The following CMYA5 variants were observed in gnomAD, a reference collection of about 807,000 sequenced individuals.
The protein encoded by CMYA5 is cardiomyopathy associated 5, also known as cardiomyopathy-associated protein 5.
Under a neutral mutation model 318.9 loss-of-function variants are expected in CMYA5, and 246 were observed. That is an observed-to-expected ratio of 0.77 (90% CI 0.70 to 0.86). The LOEUF is 0.86. Among genes scored for constraint, CMYA5 ranks in the 40% least tolerant of loss-of-function variants. The pLI is 0.00. For synonymous variants in CMYA5, 1,641 were observed against 1,729.5 expected (o/e 0.95, Z 1.27); for missense variants, 4,589 against 4,678.2 (o/e 0.98, Z 0.56).
chr5:79,790,544 C>T (rs1478289342), intron 10 of CMYA5, among the ~76,000 whole-genome samples: 1 of 152,210 alleles, frequency 6.6e-6, no homozygotes, highest in Non-Finnish European at 1.5e-5. Context: ...GCTGGGATTA[C>T]AGGCGTGAGC....
chr5:79,772,912 A>G (rs1828879454), intron 9 of CMYA5, among the ~76,000 whole-genome samples: 1 of 152,228 alleles, frequency 6.6e-6, no homozygotes. Flanking sequence ...TTCAATCTCT[A>G]AGATGTCAGT....
chr5:79,708,799 G>C (rs1480229977), intron 1 of CMYA5, among the ~76,000 whole-genome samples: 4 of 151,968 alleles, frequency 2.6e-5, no homozygotes, highest in Non-Finnish European at 5.9e-5. Flanking sequence ...GCCAGGCGTG[G>C]TGGCTCACAC....
intron 1 of CMYA5, among the ~76,000 whole-genome samples, chr5:79,720,428 ATTTTTTT>A (rs1159659122): frequency 1.6e-4 from 7 of 44,848 alleles, no homozygotes; most frequent in East Asian, 2.1e-3. Flanking sequence ...TGCCAATCTA[ATTTTTTT>A]TTTTTTTTTT....
At chr5:79,756,859 T>C (rs1181585954) in intron 6 of CMYA5, among the ~76,000 whole-genome samples, 2 of 152,012 alleles carry the variant, frequency 1.3e-5, no homozygotes, top group Non-Finnish European at 2.9e-5. Context: ...CTCAGGAAAT[T>C]GTTGACTGGA....
intron 11 of CMYA5, among the ~76,000 whole-genome samples, chr5:79,792,008 G>T (rs1325898047): frequency 1.3e-5 from 2 of 152,214 alleles, no homozygotes; most frequent in Non-Finnish European, 2.9e-5. Flanking sequence ...GGTGTCGGTG[G>T]CTGGCAGGTG....
chr5:79,791,031 G>A lies in CMYA5; in HGVS notation c.11751G>A (p.Gly3917=). The A allele has an allele frequency of 6.2e-7, 1 of 1,613,874 alleles. No homozygotes were observed. The highest frequency in any genetic ancestry group is 8.5e-7 in the Non-Finnish European group (1 of 1,179,824). Residue 3917 remains glycine (G), a synonymous_variant, in exon 11 of 13, where the codon GGG becomes GGA. Transcript: ENST00000446378. ...AHPALHISSS[G]TVISFGERRR... ...CTGCTCTACACATTTCCTCAAGTGG[G>A]ACAGTGATCAGCTTTGGTGAGAGGA...
Position 79,737,020 on chromosome 5 carries a change from G to C in CMYA5, c.8255G>C (p.Arg2752Thr). The change falls in exon 2 of 13, where the codon AGA becomes ACA. Residue 2752 changes from arginine (R) to threonine (T), a missense_variant. Transcript: ENST00000446378. ...EGNLVLEKSS[R>T]DMPDHSEEKE... is the part of the protein sequence containing the mutation. ...AATCTAGTGTTAGAAAAGTCAAGCA[G>C]AGATATGCCAGATCACAGTGAAGAA... 2 of 1,613,640 alleles carry C rather than the reference G, an allele frequency of 1.2e-6. No homozygotes were observed. Among genetic ancestry groups the C allele is most frequent in the Admixed American group, 3.3e-5 (2 of 59,926 alleles).
At chr5:79,764,882 A>G (rs1025394784) in intron 9 of CMYA5, among the ~76,000 whole-genome samples, 3 of 151,892 alleles carry the variant, frequency 2.0e-5, no homozygotes, top group Non-Finnish European at 4.4e-5. Flanking sequence ...TAGATTCTGG[A>G]TATAAGCCCT....
At chr5:79,706,140 C>T (rs922042016) in intron 1 of CMYA5, among the ~76,000 whole-genome samples, 8 of 152,018 alleles carry the variant, frequency 5.3e-5, no homozygotes, top group African/African-American at 1.4e-4. Flanking sequence ...TCTGGTCCTG[C>T]GATGCTGCCA....
Position 79,733,218 on chromosome 5 carries a change from A to G in CMYA5, c.4453A>G (p.Lys1485Glu). Reference protein sequence around the residue: ...IKTSSSQHSDKSEEARVEDKQ... With the variant: ...IKTSSSQHSDESEEARVEDKQ... Reference sequence around the variant, plus strand: ...AACATCATCTTCTCAGCATTCAGATAAATCTGAGGAAGCAAGGGTAGAAGA... The same window carrying G: ...AACATCATCTTCTCAGCATTCAGATGAATCTGAGGAAGCAAGGGTAGAAGA... Residue 1485 changes from lysine to glutamate, a missense_variant, in exon 2 of 13, where the codon AAA becomes GAA. Physicochemically the swap from Lys to Glu is moderately conservative, Grantham distance 56 (BLOSUM62 1). Transcript: ENST00000446378. The G allele has an allele frequency of 1.9e-6, 3 of 1,613,632 alleles. No homozygotes were observed. The highest frequency in any genetic ancestry group is 2.2e-5 in the South Asian group (2 of 91,044).
intron 10 of CMYA5, 52 bp downstream of exon 10, chr5:79,789,156 C>T: frequency 6.2e-7 from 1 of 1,603,826 alleles, no homozygotes; most frequent in Non-Finnish European, 8.5e-7. Flanking sequence ...TTCTTCCCTT[C>T]CACCCCTCAG....
At chr5:79,770,923 T>C (rs1050588238) in intron 9 of CMYA5, among the ~76,000 whole-genome samples, 4 of 151,932 alleles carry the variant, frequency 2.6e-5, no homozygotes, top group African/African-American at 9.7e-5. Flanking sequence ...GACGTTTTGG[T>C]GGGATGTAGG....
chr5:79,727,805 C>T (rs1475167103), intron 1 of CMYA5, among the ~76,000 whole-genome samples: 2 of 152,100 alleles, frequency 1.3e-5, no homozygotes, highest in African/African-American at 2.4e-5. Context: ...GCTACAGAGT[C>T]TAAGATGGGG....
chr5:79,743,714 A>G (rs571235216), intron 2 of CMYA5, 113 bp from the exon 3 acceptor site: 1 of 540,268 alleles, frequency 1.9e-6, no homozygotes, highest in South Asian at 3.1e-5. Flanking sequence ...TAGTGGATAT[A>G]GTATAGTAAG....
intron 1 of CMYA5, among the ~76,000 whole-genome samples, chr5:79,707,281 A>C (rs914077696): frequency 6.6e-6 from 1 of 152,146 alleles, no homozygotes; most frequent in African/African-American, 2.4e-5. Context: ...AACTTTATGA[A>C]TGTTTCTAGC....
chr5:79,729,198 T>C lies in CMYA5; in HGVS notation c.433T>C (p.Leu145=). Reference sequence around the variant, plus strand: ...TAAGTCAAAGCATGGTTCACCATCATTACGCCGGAAAGGCAACAGAAAAAG... The same window carrying C: ...TAAGTCAAAGCATGGTTCACCATCACTACGCCGGAAAGGCAACAGAAAAAG... ...THKSKHGSPS[L]RRKGNRKRNS... Residue 145 remains leucine, a synonymous_variant, in exon 2 of 13, where the codon TTA becomes CTA. Coordinates refer to ENST00000446378, the MANE Select transcript of CMYA5 (RefSeq NM_153610.5). The C allele has an allele frequency of 3.1e-6, 5 of 1,613,046 alleles. No homozygotes were observed. Among genetic ancestry groups the C allele is most frequent in the Non-Finnish European group, 4.2e-6 (5 of 1,179,684 alleles).
intron 1 of CMYA5, among the ~76,000 whole-genome samples, chr5:79,718,419 T>C (rs2151080597): frequency 6.6e-6 from 1 of 152,306 alleles, no homozygotes; most frequent in Non-Finnish European, 1.5e-5. Flanking sequence ...AAGCTTGTAA[T>C]ATAAGCAGGA....
chr5:79,713,531 G>A (rs942135823), intron 1 of CMYA5, among the ~76,000 whole-genome samples: 1 of 151,902 alleles, frequency 6.6e-6, no homozygotes, highest in Non-Finnish European at 1.5e-5. Flanking sequence ...AGAATTTAGT[G>A]GTTGAGTTTT....
chr5:79,763,995 T>G (rs905714193), intron 9 of CMYA5, among the ~76,000 whole-genome samples: 1 of 152,080 alleles, frequency 6.6e-6, no homozygotes, highest in African/African-American at 2.4e-5. Context: ...GGTATGAAAC[T>G]AGACAGCTTT....
Sources: allele counts gnomAD v4.1 joint callset (sites outside exome capture counted in the v4.1 genomes callset), GRCh38; gene constraint gnomAD v4.1.1; transcripts MANE v1.5; gene names NCBI Gene and HGNC (gene_info 2026-07-23, HGNC 2026-07-21).